Variants in IFI27 observed in about 807,000 individuals in gnomAD.
IFI27 encodes the protein interferon alpha-inducible protein 27, mitochondrial.
IFI27 carries 3 observed loss-of-function variants against 8.9 expected under a neutral mutation model. The observed-to-expected ratio is 0.34, with a 90% CI of 0.15 to 0.87. IFI27 has a LOEUF of 0.87. Among genes scored for constraint, IFI27 ranks in the 40% least tolerant of loss-of-function variants. The pLI, the probability that IFI27 is intolerant of heterozygous loss-of-function variation, is 0.51. For synonymous variants in IFI27, 66 were observed against 67.3 expected (o/e 0.98, Z 0.09); for missense variants, 152 against 157.7 (o/e 0.96, Z 0.19).
At position 94,116,264 on chromosome 14, in the gene IFI27, A is replaced by G; in HGVS notation, c.284-178A>G. On this transcript the variant is annotated intron_variant, in intron 4 of 4. Transcript: ENST00000621160. This position sits in a 1 kb window ranked among gnomAD's most constrained non-coding sequence, Gnocchi z 4.3. The stretch of plus-strand genomic sequence containing the variant: ...GTTCACCATGGGGGTTCATGCCTGC[A>G]GCAGCCTCTCCCCAAACAAAGACCC... 5 of 645,218 alleles carry G rather than the reference A, an allele frequency of 7.7e-6. No individual in the cohort carries two copies. Among genetic ancestry groups the G allele is most frequent in the South Asian group, 7.1e-5 (4 of 55,992 alleles). 40.0% of individuals were successfully genotyped at this position (645,218 alleles called of 1,614,324 possible).
In IFI27 at chr14:94,116,458, C is replaced by T. The variant is rs755986718; in HGVS notation, c.300C>T (p.Ser100=). 2.1e-5 allele frequency: 34 copies of T among 1,612,678 alleles called. No homozygotes were observed. The highest frequency in any genetic ancestry group is 1.2e-4 in the African/African-American group (9 of 74,868). ...TCTTCCCAGGAGCAACTGGACTCTCCGGATTGACCAAGTTCATCCTGGGCT... is the reference window on the plus strand; with the variant it reads ...TCTTCCCAGGAGCAACTGGACTCTCTGGATTGACCAAGTTCATCCTGGGCT... Residue 100 remains serine, a synonymous_variant, in exon 5 of 5, where the codon TCC becomes TCT. Coordinates refer to ENST00000621160, the Ensembl canonical transcript of IFI27. The surrounding 1 kb of genome is among the most constrained non-coding windows in gnomAD (Gnocchi z 4.3).
In IFI27 at chr14:94,115,949, A is replaced by G. The variant is rs1301867363; in HGVS notation, c.283+7A>G. 8 of 1,568,634 alleles carry G rather than the reference A, an allele frequency of 5.1e-6. No individual in the cohort carries two copies. The South Asian group carries it at 9.3e-5, about 18-fold the overall frequency. ...GCTACTCTGCAGTCACTGGGTAAGTATCCTGGCGGGGCTTGCTGGGGAGGG... is the reference window on the plus strand; with the variant it reads ...GCTACTCTGCAGTCACTGGGTAAGTGTCCTGGCGGGGCTTGCTGGGGAGGG... On this transcript the variant is annotated splice_region_variant and intron_variant, in intron 4 of 4. Coordinates refer to ENST00000621160, the Ensembl canonical transcript of IFI27.
intron 2 of IFI27, among the ~76,000 whole-genome samples, chr14:94,112,361 C>T (rs17129473): frequency 0.02 from 2,985 of 152,192 alleles, 106 homozygotes; most frequent in African/African-American, 0.068. Context: ...GTTTTGTTTG[C>T]GGGCATTTTA....
chr14:94,111,908 C>A lies in IFI27; in HGVS notation c.91+135C>A. ...GCTGCCCTGTCCTGTCTTCTCACAGCAGGCGTCCACCCTAACTTTCCATCT... is the reference window on the plus strand; with the variant it reads ...GCTGCCCTGTCCTGTCTTCTCACAGAAGGCGTCCACCCTAACTTTCCATCT... On this transcript the variant is annotated intron_variant, in intron 2 of 4. Transcript: ENST00000621160. This position sits in a 1 kb window ranked among gnomAD's most constrained non-coding sequence, Gnocchi z 4.3. 1.4e-6 allele frequency: 1 copy of A among 736,534 alleles called. No homozygotes were observed. The highest frequency in any genetic ancestry group is 2.4e-6 in the Non-Finnish European group (1 of 419,306). The allele number at this position is 736,534 out of a possible 1,614,324, so 45.6% of individuals were successfully genotyped here.
At position 94,115,917 on chromosome 14, in the gene IFI27, C is replaced by T. The variant is rs1479665799; in HGVS notation, c.258C>T (p.Ser86=). 2.0e-5 allele frequency: 31 copies of T among 1,587,946 alleles called. No individual in the cohort carries two copies. The Admixed American group carries it at 5.3e-4, about 27-fold the overall frequency. ...ATGGGGGTGGAGTTGCCTCGGGCAG[C>T]CTTGTGGCTACTCTGCAGTCACTGG... Residue 86 remains serine (S), a synonymous_variant, in exon 4 of 5, where the codon AGC becomes AGT. Coordinates refer to ENST00000621160, the Ensembl canonical transcript of IFI27.
Position 94,115,954 on chromosome 14 carries a change from G to C in IFI27, c.283+12G>C. 6.4e-7 allele frequency: 1 copy of C among 1,563,198 alleles called. No homozygotes were observed. The highest frequency in any genetic ancestry group is 1.2e-5 in the South Asian group (1 of 85,256). On this transcript the variant is annotated intron_variant, in intron 4 of 4. Coordinates refer to ENST00000621160, the Ensembl canonical transcript of IFI27. ...TCTGCAGTCACTGGGTAAGTATCCT[G>C]GCGGGGCTTGCTGGGGAGGGCGATG...
At chr14:94,109,320 AGGGAG>A (rs1166741734), upstream of IFI27, among the ~76,000 whole-genome samples, 25 of 106,156 alleles carry the variant, frequency 2.4e-4, no homozygotes, top group African/African-American at 5.3e-4. Flanking sequence ...AAGAAAGGAA[AGGGAG>A]GGGAGGGGAG....
At chr14:94,114,604 T>G in intron 2 of IFI27, 1 of 525,214 alleles carries the variant, frequency 1.9e-6, no homozygotes, top group Non-Finnish European at 3.4e-6. Context: ...AACCAACCAA[T>G]CAACTAGGTC....
At chr14:94,115,558 T>TG in intron 3 of IFI27, 1 of 611,448 alleles carries the variant, frequency 1.6e-6, no homozygotes, top group South Asian at 2.0e-5. Flanking sequence ...CAGAAGAGCT[T>TG]GGCCCAGAGC....
upstream of IFI27, among the ~76,000 whole-genome samples, chr14:94,109,080 C>T (rs990853532): frequency 2.0e-5 from 3 of 151,838 alleles, no homozygotes; most frequent in Non-Finnish European, 2.9e-5. Flanking sequence ...GATCACCTGA[C>T]ATCAGGAGTT....
At chr14:94,114,922 A>G (rs779449888) in intron 3 of IFI27, 42 bp downstream of exon 3, 1 of 1,582,686 alleles carries the variant, frequency 6.3e-7, no homozygotes, top group Admixed American at 1.7e-5. Context: ...ACCTGCCCCT[A>G]GGGAGGTGGA....
chr14:94,114,836 T>C lies in IFI27; in HGVS notation c.92-15T>C, dbSNP rs964728355. 1.1e-5 allele frequency: 17 copies of C among 1,613,442 alleles called. No individual in the cohort carries two copies. Among genetic ancestry groups the C allele is most frequent in the Non-Finnish European group, 1.4e-5 (16 of 1,179,786 alleles). ...CAGTGTGGATCTACTCACAGAATGT[T>C]CTTTTGGTTTCCAGCCAGGATTGCT... On this transcript the variant is annotated splice_polypyrimidine_tract_variant and intron_variant, in intron 2 of 4. Coordinates refer to ENST00000621160, the Ensembl canonical transcript of IFI27.
upstream of IFI27, among the ~76,000 whole-genome samples, chr14:94,108,534 A>G (rs12886562): frequency 0.13 from 20,435 of 152,136 alleles, 1,538 homozygotes; most frequent in African/African-American, 0.2. Context: ...ACATACATAC[A>G]TTCATACATT....
In IFI27 at chr14:94,116,480, G is replaced by C. The variant is rs532128179; in HGVS notation, c.322G>C (p.Gly108Arg). The stretch of plus-strand genomic sequence containing the variant: ...CTCCGGATTGACCAAGTTCATCCTG[G>C]GCTCCATTGGGTCTGCCATTGCGGC... The change falls in exon 5 of 5, where the codon GGC becomes CGC. Residue 108 changes from glycine (G) to arginine (R), a missense_variant. By Grantham distance (125) the Gly-to-Arg change is moderately radical. Coordinates refer to ENST00000621160, the Ensembl canonical transcript of IFI27. This position sits in a 1 kb window ranked among gnomAD's most constrained non-coding sequence, Gnocchi z 4.3. The C allele has an allele frequency of 3.1e-6, 5 of 1,613,392 alleles. No homozygotes were observed. In the South Asian group the frequency reaches 5.5e-5, roughly 18 times the overall value.
intron 3 of IFI27, chr14:94,115,384 T>C: frequency 1.9e-6 from 1 of 530,148 alleles, no homozygotes; most frequent in South Asian, 1.5e-5. Flanking sequence ...CCGCTCTGAA[T>C]GTGCCTCTTA....
chr14:94,112,953 A>G (rs1457414010), intron 2 of IFI27: 2 of 152,268 alleles, frequency 1.3e-5, no homozygotes, highest in Non-Finnish European at 2.9e-5. Context: ...GTTTAAGATC[A>G]AGCAATTCAT....
chr14:94,107,803 G>A (rs187142568), upstream of IFI27, among the ~76,000 whole-genome samples: 2 of 152,014 alleles, frequency 1.3e-5, no homozygotes, highest in East Asian at 1.9e-4. Context: ...TACTTGTGTC[G>A]CTGGTTGTTA....
intron 2 of IFI27, chr14:94,113,262 G>A (rs1319449244): frequency 1.3e-5 from 2 of 152,260 alleles, no homozygotes; most frequent in African/African-American, 4.8e-5. Context: ...GGCACTTTGG[G>A]AGGCCAAGAA....
upstream of IFI27, among the ~76,000 whole-genome samples, chr14:94,108,798 C>T (rs916704222): frequency 4.0e-5 from 6 of 151,388 alleles, no homozygotes; most frequent in African/African-American, 9.7e-5. Flanking sequence ...TAAGTAAAAT[C>T]GTTTTACTTG....
Sources: allele counts gnomAD v4.1 joint callset (sites outside exome capture counted in the v4.1 genomes callset), GRCh38; gene constraint gnomAD v4.1.1; non-coding constraint Gnocchi (gnomAD v3.1); transcripts MANE v1.5; gene names NCBI Gene and HGNC (gene_info 2026-07-23, HGNC 2026-07-21).